The following ASPRV1 variants were observed in gnomAD, a reference collection of about 807,000 sequenced individuals.
The protein encoded by ASPRV1 is aspartic peptidase retroviral like 1, also known as retroviral-like aspartic protease 1.
A neutral mutation model predicts 11.0 loss-of-function variants in ASPRV1; 7 were observed. The ratio of observed to expected loss-of-function variants is 0.64; its 90% CI spans 0.36 to 1.20. The LOEUF (loss-of-function observed/expected upper bound fraction) is 1.20, where lower values mean the gene tolerates loss of function less well. Among genes scored for constraint, ASPRV1 ranks in the 50% most tolerant of loss-of-function variants. The pLI, the probability that ASPRV1 is intolerant of heterozygous loss-of-function variation, is 0.02. For missense variants in ASPRV1, 299 were observed against 320.0 expected, an observed-to-expected ratio of 0.93 and a Z score of 0.50; for synonymous variants, 136 against 138.4, an observed-to-expected ratio of 0.98 and a Z score of 0.12.
the ASPRV1 span, among the ~76,000 whole-genome samples, chr2:70,017,708 C>A: frequency 2.0e-5 from 3 of 151,982 alleles, no homozygotes; most frequent in Non-Finnish European, 4.4e-5. Context: ...AATCAACATG[C>A]ATTTGCTTGT....
chr2:69,937,833 C>T, the ASPRV1 span, among the ~76,000 whole-genome samples: 4 of 152,254 alleles, frequency 2.6e-5, no homozygotes, highest in East Asian at 5.8e-4. Context: ...AGGCTGGTCT[C>T]GAACTCCTGA....
At chr2:69,940,735 T>G in the ASPRV1 span, 3 of 152,674 alleles carry the variant, frequency 2.0e-5, no homozygotes, top group African/African-American at 7.2e-5. Context: ...TGTGATAAAC[T>G]GGCAGCAGGG....
chr2:70,025,420 AAAAGAG>A, the ASPRV1 span, among the ~76,000 whole-genome samples: 10 of 152,160 alleles, frequency 6.6e-5, no homozygotes, highest in Non-Finnish European at 1.3e-4. Context: ...AGAAAAAGAG[AAAAGAG>A]GAGGAGGAGG....
chr2:70,005,614 T>C, the ASPRV1 span, among the ~76,000 whole-genome samples: 17 of 152,166 alleles, frequency 1.1e-4, no homozygotes, highest in Non-Finnish European at 2.1e-4. Flanking sequence ...TTCTATCTGG[T>C]TTAATAATAA....
downstream of ASPRV1, among the ~76,000 whole-genome samples, chr2:69,956,478 AAAGAG>A (rs377161611): frequency 1.3e-3 from 160 of 123,076 alleles, no homozygotes; most frequent in African/African-American, 3.1e-3. Flanking sequence ...AAGAAGAAGA[AAAGAG>A]GAAGAAGAAG....
At chr2:70,067,928 A>C in the ASPRV1 span, among the ~76,000 whole-genome samples, 1 of 152,226 alleles carries the variant, frequency 6.6e-6, no homozygotes, top group Non-Finnish European at 1.5e-5. Flanking sequence ...GAAGCTTACA[A>C]AGGTCATCTT....
chr2:70,031,382 T>C, the ASPRV1 span: 1 of 151,934 alleles, frequency 6.6e-6, no homozygotes, highest in Non-Finnish European at 1.5e-5. Context: ...CATCAAATTT[T>C]CAAAAGGAGG....
the ASPRV1 span, chr2:70,028,385 G>C: frequency 6.6e-6 from 1 of 152,154 alleles, no homozygotes; most frequent in Non-Finnish European, 1.5e-5. Flanking sequence ...AAATTAGCAA[G>C]CACCTTCTTC....
the ASPRV1 span, among the ~76,000 whole-genome samples, chr2:70,002,270 G>A: frequency 6.6e-6 from 1 of 152,132 alleles, no homozygotes; most frequent in Non-Finnish European, 1.5e-5. Flanking sequence ...AGACATAAAT[G>A]CTATTTCTTG....
the ASPRV1 span, among the ~76,000 whole-genome samples, chr2:70,033,312 C>CACACACAT: frequency 2.0e-5 from 3 of 151,532 alleles, no homozygotes; most frequent in Admixed American, 2.0e-4. Flanking sequence ...CACACACACA[C>CACACACAT]ACATATATGC....
the ASPRV1 span, among the ~76,000 whole-genome samples, chr2:70,074,321 C>T: frequency 1.3e-5 from 2 of 149,764 alleles, no homozygotes; most frequent in Non-Finnish European, 3.0e-5. Context: ...CAGAGTCTTG[C>T]TCTGTCGCCC....
At chr2:70,035,858 T>C in the ASPRV1 span, among the ~76,000 whole-genome samples, 1 of 151,512 alleles carries the variant, frequency 6.6e-6, no homozygotes, top group African/African-American at 2.4e-5. Flanking sequence ...ACAAACCTAA[T>C]GACTTCACAA....
chr2:69,977,655 G>T, the ASPRV1 span, among the ~76,000 whole-genome samples: 2 of 152,142 alleles, frequency 1.3e-5, no homozygotes, highest in South Asian at 4.1e-4. Context: ...CCTAGGAGGG[G>T]CCTAATAAAT....
At chr2:70,081,117 G>A in the ASPRV1 span, 1 of 152,198 alleles carries the variant, frequency 6.6e-6, no homozygotes, top group African/African-American at 2.4e-5. Context: ...ACCAAGAAGT[G>A]ATCTCCTAAC....
upstream of ASPRV1, chr2:69,963,162 G>A: frequency 2.4e-6 from 1 of 423,566 alleles, no homozygotes; most frequent in Admixed American, 2.6e-5. Flanking sequence ...CCTTCCACCT[G>A]ATTCAGTGAG....
At chr2:69,998,362 A>AG in the ASPRV1 span, among the ~76,000 whole-genome samples, 6 of 152,240 alleles carry the variant, frequency 3.9e-5, no homozygotes, top group Middle Eastern at 3.4e-3. Context: ...AAAAAAAAAA[A>AG]GAACCTAGCA....
chr2:70,065,390 C>CA, the ASPRV1 span, among the ~76,000 whole-genome samples: 8,750 of 51,750 alleles, frequency 0.17, 1,083 homozygotes, highest in Non-Finnish European at 0.28. Flanking sequence ...GACACCATCT[C>CA]AAAAAAAAAA....
the ASPRV1 span, among the ~76,000 whole-genome samples, chr2:70,054,732 T>G: frequency 6.6e-6 from 1 of 152,154 alleles, no homozygotes; most frequent in Non-Finnish European, 1.5e-5. Flanking sequence ...ACAGCTATCT[T>G]CAATTTCAAA....
At chr2:69,958,794 C>G (rs1192896806), downstream of ASPRV1, among the ~76,000 whole-genome samples, 1 of 152,174 alleles carries the variant, frequency 6.6e-6, no homozygotes, top group Non-Finnish European at 1.5e-5. Flanking sequence ...GGAGACCACC[C>G]TTTCTCCAGT....
Sources: allele counts gnomAD v4.1 joint callset (sites outside exome capture counted in the v4.1 genomes callset), GRCh38; gene constraint gnomAD v4.1.1; transcripts MANE v1.5; gene names NCBI Gene and HGNC (gene_info 2026-07-23, HGNC 2026-07-21).